Variants in DRP2 observed in about 807,000 individuals in gnomAD.
DRP2 encodes dystrophin-related protein 2.
Under a neutral mutation model 78.2 loss-of-function variants are expected in DRP2, and 29 were observed. The observed-to-expected ratio is 0.37, with a 90% CI of 0.28 to 0.51. DRP2 has a LOEUF of 0.51. Ranked by LOEUF, DRP2 falls within the 20% of genes least tolerant of loss-of-function variation. The pLI is 0.94. For synonymous variants in DRP2, 290 were observed against 281.9 expected (o/e 1.03, Z -0.29); for missense variants, 686 against 770.6 (o/e 0.89, Z 1.30).
chrX:101,226,382 C>T (rs1922120792), intron 2 of DRP2, among the ~76,000 whole-genome samples: 2 of 111,957 alleles, frequency 1.8e-5, no homozygotes, highest in African/African-American at 6.5e-5. Context: ...AGCATATGTT[C>T]CTATACATCT....
rs750506665 is a variant in DRP2, at chrX:101,238,973, C to T, written c.439-8C>T. 1 of 1,206,134 alleles carries T rather than the reference C, an allele frequency of 8.3e-7. No homozygotes were observed. The highest frequency in any genetic ancestry group is 1.1e-6 in the Non-Finnish European group (1 of 893,027). ...CTTTCCTGTTGACCATATTGCTAAACTTTATAGGCCTTTATGGAAGAAGTC... is the reference window on the plus strand; with the variant it reads ...CTTTCCTGTTGACCATATTGCTAAATTTTATAGGCCTTTATGGAAGAAGTC... On this transcript the variant is annotated splice_region_variant and splice_polypyrimidine_tract_variant and intron_variant, in intron 5 of 23. Coordinates refer to ENST00000395209, the MANE Select transcript of DRP2 (RefSeq NM_001939.3).
In DRP2 at chrX:101,258,413, A is replaced by G; in HGVS notation, c.2495A>G (p.Asn832Ser). Residue 832 changes from asparagine to serine, a missense_variant, in exon 22 of 24, where the codon AAT becomes AGT. Asn to Ser is a conservative substitution (Grantham distance 46). Coordinates refer to ENST00000395209, the MANE Select transcript of DRP2 (RefSeq NM_001939.3). ...ACTGAGGCAGCAACAGACCACCGCAATGAGGAGCTTCTGGCCGAGGCCCGT... is the reference window on the plus strand; with the variant it reads ...ACTGAGGCAGCAACAGACCACCGCAGTGAGGAGCTTCTGGCCGAGGCCCGT... ...GSTEAATDHR[N>S]EELLAEARIL... 6.6e-6 allele frequency: 8 copies of G among 1,207,538 alleles called. No homozygotes were observed. Among genetic ancestry groups the G allele is most frequent in the South Asian group, 5.4e-5 (3 of 55,904 alleles).
Position 101,248,141 on chromosome X carries a change from G to A in DRP2, c.1305G>A (p.Leu435=), listed in dbSNP as rs1922996301. The part of the protein sequence containing the change: ...TALEIFNEHD[L]QASEHVMDVV... Reference sequence around the variant, plus strand: ...TGGAAATCTTCAATGAGCATGATCTGCAGGCCAGTGAGCACGTGATGGATG... The same window carrying A: ...TGGAAATCTTCAATGAGCATGATCTACAGGCCAGTGAGCACGTGATGGATG... Residue 435 remains leucine (L), a synonymous_variant, in exon 13 of 24, where the codon CTG becomes CTA. Transcript: ENST00000395209. 1 of 1,211,447 alleles carries A rather than the reference G, an allele frequency of 8.3e-7. No individual in the cohort carries two copies. Among genetic ancestry groups the A allele is most frequent in the Non-Finnish European group, 1.1e-6 (1 of 895,389 alleles).
rs763903323 is a variant in DRP2, at chrX:101,237,603, TA to T, written c.282-15del. On this transcript the variant is annotated splice_polypyrimidine_tract_variant and intron_variant, in intron 4 of 23. Coordinates refer to ENST00000395209, the MANE Select transcript of DRP2 (RefSeq NM_001939.3). ...AAAGAAGACTGAACATCACTGGTTT[TA>T]CTCATTGTGTGCAGCGCTCGCCTAG... is the stretch of plus-strand genomic sequence containing the variant. The T allele has an allele frequency of 4.7e-6, 5 of 1,063,261 alleles. No individual in the cohort carries two copies. In the East Asian group the frequency reaches 1.4e-4, roughly 29 times the overall value. The allele number at this position is 1,063,261 out of a possible 1,213,427, so 87.6% of individuals were successfully genotyped here. A position where few individuals can be genotyped will look rare whatever the true frequency, so the allele number is the denominator to read the frequency against.
At position 101,261,393 on chromosome X, in the gene DRP2, C is replaced by G. The variant is rs1217878918; in HGVS notation, c.*772C>G. 9.0e-6 allele frequency: 1 copy of G among 110,729 alleles called. No individual in the cohort carries two copies. The highest frequency in any genetic ancestry group is 1.9e-5 in the Non-Finnish European group (1 of 52,902). 9.1% of individuals were successfully genotyped at this position (110,729 alleles called of 1,213,427 possible). On this transcript the variant is annotated 3_prime_UTR_variant, in exon 24 of 24. Coordinates refer to ENST00000395209, the MANE Select transcript of DRP2 (RefSeq NM_001939.3). The stretch of plus-strand genomic sequence containing the variant: ...TAAAGTCCTCAGCATTTTGAGAGAC[C>G]CACTGAGTTGCGAGTTGCTCTGGAA...
At chrX:101,224,204 T>TTTTTG (rs1569507518) in intron 1 of DRP2, among the ~76,000 whole-genome samples, 1 of 71,839 alleles carries the variant, frequency 1.4e-5, no homozygotes. Context: ...TTTTTTTTTT[T>TTTTTG]TTTTTTTTTT....
intron 3 of DRP2, among the ~76,000 whole-genome samples, chrX:101,235,292 C>T (rs1032648011): frequency 8.9e-6 from 1 of 112,411 alleles, no homozygotes; most frequent in African/African-American, 3.2e-5. Flanking sequence ...GGCTTCCTGA[C>T]TGTGGTGGAC....
chrX:101,254,763 G>T, intron 18 of DRP2, 96 bp from the exon 19 acceptor site: 1 of 1,118,509 alleles, frequency 8.9e-7, no homozygotes, highest in Non-Finnish European at 1.2e-6. Context: ...GTTCCCATCA[G>T]CTCTTGCCCA....
At position 101,237,619 on chromosome X, in the gene DRP2, C is replaced by T. The variant is rs1922555348; in HGVS notation, c.282C>T (p.Arg94=). ...CACTGGTTTTACTCATTGTGTGCAG[C>T]GCTCGCCTAGAGGCCTTCTCAGACC... The part of the protein sequence containing the change: ...NEIKKKSHNL[R]ARLEAFSDHS... The change falls in exon 5 of 24, where the codon CGC becomes CGT. Residue 94 remains arginine (R), a splice_region_variant and synonymous_variant. Coordinates refer to ENST00000395209, the MANE Select transcript of DRP2 (RefSeq NM_001939.3). 14 of 1,100,226 alleles carry T rather than the reference C, an allele frequency of 1.3e-5. No individual in the cohort carries two copies. The highest frequency in any genetic ancestry group is 2.7e-5 in the South Asian group (1 of 37,290). 90.7% of individuals were successfully genotyped at this position (1,100,226 alleles called of 1,213,427 possible). A position where few individuals can be genotyped will look rare whatever the true frequency, so the allele number is the denominator to read the frequency against.
Position 101,242,910 on chromosome X carries a change from G to A in DRP2, c.982G>A (p.Val328Ile), listed in dbSNP as rs199620912. ...NVRWKQLQASVSERLKQLQDA... is the reference protein window; with the variant it reads ...NVRWKQLQASISERLKQLQDA... ...CACCCTGTTCTTTCCATAGGCGTCA[G>A]TTAGTGAGAGGCTTAAGCAGCTCCA... The change falls in exon 9 of 24, where the codon GTT becomes ATT. Residue 328 changes from valine to isoleucine, a missense_variant. This residue lies in a region of DRP2 where 423 missense variants were observed against 531.5 expected (regional missense o/e 0.80). Coordinates refer to ENST00000395209, the MANE Select transcript of DRP2 (RefSeq NM_001939.3). 9 of 1,210,972 alleles carry A rather than the reference G, an allele frequency of 7.4e-6. No individual in the cohort carries two copies. Among genetic ancestry groups the A allele is most frequent in the Non-Finnish European group, 1.0e-5 (9 of 894,979 alleles).
At chrX:101,252,008 A>G (rs1196521839) in intron 16 of DRP2, among the ~76,000 whole-genome samples, 1 of 112,073 alleles carries the variant, frequency 8.9e-6, no homozygotes, top group Non-Finnish European at 1.9e-5. Flanking sequence ...TGGTAGATCT[A>G]GACTAGATAT....
At chrX:101,240,715 G>A (rs928167153) in intron 6 of DRP2, among the ~76,000 whole-genome samples, 1 of 112,320 alleles carries the variant, frequency 8.9e-6, no homozygotes, top group Admixed American at 9.4e-5. Context: ...TGAATAGCCT[G>A]AAAGGACCCT....
Position 101,235,720 on chromosome X carries a change from T to G in DRP2, c.118-140T>G, listed in dbSNP as rs755064405. ...CAGGGTCTTTCTTCATCTCAGTCCC[T>G]GAACACACAGAGAATAGCATTTCTG... On this transcript the variant is annotated intron_variant, in intron 3 of 23. Transcript: ENST00000395209. 3.9e-5 allele frequency: 24 copies of G among 612,332 alleles called. No homozygotes were observed. In the East Asian group the frequency reaches 5.0e-4, roughly 13 times the overall value. 50.5% of individuals were successfully genotyped at this position (612,332 alleles called of 1,213,427 possible).
At position 101,231,768 on chromosome X, in the gene DRP2, A is replaced by G. The variant is rs762008221; in HGVS notation, c.117+4A>G. Reference sequence around the variant, plus strand: ...AAGCACCTGCCCCCACCCTCAGGTAAGAGTCTGATAGTGAAAGAAAGACCT... The same window carrying G: ...AAGCACCTGCCCCCACCCTCAGGTAGGAGTCTGATAGTGAAAGAAAGACCT... On this transcript the variant is annotated splice_donor_region_variant and intron_variant, in intron 3 of 23. Transcript: ENST00000395209. 1.7e-6 allele frequency: 2 copies of G among 1,188,241 alleles called. No individual in the cohort carries two copies. The highest frequency in any genetic ancestry group is 5.9e-5 in the East Asian group (2 of 33,640).
At position 101,248,128 on chromosome X, in the gene DRP2, A is replaced by G. The variant is rs776672390; in HGVS notation, c.1292A>G (p.Asn431Ser). The change falls in exon 13 of 24, where the codon AAT (asparagine) becomes AGT (serine). Residue 431 changes from asparagine (N) to serine (S), a missense_variant. By Grantham distance (46) the Asn-to-Ser change is conservative. Transcript: ENST00000395209. ...VTLTTALEIF[N>S]EHDLQASEHV... ...TTAACCACAGCCCTGGAAATCTTCA[A>G]TGAGCATGATCTGCAGGCCAGTGAG... 25 of 1,209,521 alleles carry G rather than the reference A, an allele frequency of 2.1e-5. No homozygotes were observed. The highest frequency in any genetic ancestry group is 3.0e-5 in the East Asian group (1 of 33,754).
intron 22 of DRP2, among the ~76,000 whole-genome samples, chrX:101,258,808 G>A (rs1923446441): frequency 1.8e-5 from 2 of 111,663 alleles, no homozygotes; most frequent in South Asian, 7.5e-4. Context: ...GTGGGGCCTG[G>A]GGCAGAGAGA....
At chrX:101,239,169 TC>T in intron 6 of DRP2, 68 bp downstream of exon 6, 1 of 1,108,033 alleles carries the variant, frequency 9.0e-7, no homozygotes, top group Non-Finnish European at 1.2e-6. Flanking sequence ...ACAAACACCC[TC>T]CTGCCTTCCC....
At chrX:101,247,987 T>C in intron 12 of DRP2, 102 bp from the exon 13 acceptor site, 2 of 725,960 alleles carry the variant, frequency 2.8e-6, no homozygotes, top group Non-Finnish European at 4.2e-6. Context: ...GATCTGGAGA[T>C]TGAGTCAAAT....
At position 101,258,406 on chromosome X, in the gene DRP2, C is replaced by A. The variant is rs1181276335; in HGVS notation, c.2488C>A (p.His830Asn). The change falls in exon 22 of 24, where the codon CAC (histidine) becomes AAC (asparagine). Residue 830 changes from histidine to asparagine, a missense_variant. Coordinates refer to ENST00000395209, the MANE Select transcript of DRP2 (RefSeq NM_001939.3). ...ADGSTEAATD[H>N]RNEELLAEAR... The stretch of plus-strand genomic sequence containing the variant: ...CGGCTCCACTGAGGCAGCAACAGAC[C>A]ACCGCAATGAGGAGCTTCTGGCCGA... 1 of 1,205,126 alleles carries A rather than the reference C, an allele frequency of 8.3e-7. No homozygotes were observed. The highest frequency in any genetic ancestry group is 1.8e-5 in the African/African-American group (1 of 57,137).
Sources: gnomAD v4.1 joint callset for allele counts (sites outside exome capture counted in the v4.1 genomes callset) on GRCh38, gnomAD v4.1.1 for gene constraint, gnomAD v4.1.1 regional missense constraint, MANE v1.5 for transcripts, NCBI Gene and HGNC (gene_info 2026-07-23, HGNC 2026-07-21) for gene names.